ADGRV1: variants seen among roughly 807,000 people sequenced by gnomAD.
ADGRV1 encodes the protein G-protein coupled receptor 98.
A neutral mutation model predicts 596.2 loss-of-function variants in ADGRV1; 359 were observed. The observed-to-expected ratio is 0.60, with a 90% CI of 0.55 to 0.66. The LOEUF (loss-of-function observed/expected upper bound fraction) is 0.66, where lower values mean the gene tolerates loss of function less well. Ranked by LOEUF, ADGRV1 falls within the 30% of genes least tolerant of loss-of-function variation. The pLI is 0.00. For missense variants in ADGRV1, 7,274 were observed against 7,575.6 expected, an observed-to-expected ratio of 0.96 and a Z score of 1.48; for synonymous variants, 2,681 against 2,679.2, an observed-to-expected ratio of 1.00 and a Z score of -0.02.
intron 82 of ADGRV1, among the ~76,000 whole-genome samples, chr5:90,860,510 A>AT (rs1193918261): frequency 6.6e-6 from 1 of 152,082 alleles, no homozygotes; most frequent in African/African-American, 2.4e-5. Context: ...CCTTTAGCTT[A>AT]TTAGTAGCAG....
At chr5:90,995,877 C>G (rs1781373291) in intron 85 of ADGRV1, among the ~76,000 whole-genome samples, 1 of 152,106 alleles carries the variant, frequency 6.6e-6, no homozygotes, top group Non-Finnish European at 1.5e-5. Flanking sequence ...CTCTAGGGCT[C>G]TCTGGAACTT....
chr5:91,106,832 G>C (rs371088081), intron 87 of ADGRV1, among the ~76,000 whole-genome samples: 2 of 152,136 alleles, frequency 1.3e-5, no homozygotes, highest in South Asian at 4.1e-4. Flanking sequence ...TTAGCAACTG[G>C]GTACAGAGAT....
chr5:90,792,364 A>T (rs1056784469), intron 70 of ADGRV1: 3 of 152,194 alleles, frequency 2.0e-5, no homozygotes, highest in African/African-American at 7.2e-5. Context: ...CCGGATAAGC[A>T]ACAAGCCTAT....
chr5:90,740,181 G>C (rs1272787862), intron 50 of ADGRV1, among the ~76,000 whole-genome samples: 2 of 152,098 alleles, frequency 1.3e-5, no homozygotes, highest in Non-Finnish European at 2.9e-5. Flanking sequence ...GGTCTGGGAA[G>C]GGTCAGAGGG....
chr5:90,939,023 T>A (rs889896472), intron 83 of ADGRV1, among the ~76,000 whole-genome samples: 1 of 152,188 alleles, frequency 6.6e-6, no homozygotes, highest in Non-Finnish European at 1.5e-5. Flanking sequence ...CTAATGTTAT[T>A]GTTATGGATT....
intron 85 of ADGRV1, among the ~76,000 whole-genome samples, chr5:90,998,404 A>G (rs1781584857): frequency 6.6e-6 from 1 of 152,138 alleles, no homozygotes; most frequent in Admixed American, 6.5e-5. Context: ...ACTGAAAAGT[A>G]AATAAAAAGT....
intron 87 of ADGRV1, among the ~76,000 whole-genome samples, chr5:91,134,278 C>T (rs1413631528): frequency 6.6e-6 from 1 of 151,998 alleles, no homozygotes; most frequent in Non-Finnish European, 1.5e-5. Flanking sequence ...GCCTCAACCT[C>T]CCACGCTCAA....
At chr5:90,679,021 A>G (rs1265979778) in intron 25 of ADGRV1, among the ~76,000 whole-genome samples, 1 of 152,158 alleles carries the variant, frequency 6.6e-6, no homozygotes, top group Non-Finnish European at 1.5e-5. Context: ...TGACTTGTCT[A>G]GGACTCTTTC....
chr5:90,672,513 A>C lies in ADGRV1; in HGVS notation c.4753-33A>C, dbSNP rs752243813. 16 of 1,558,540 alleles carry C rather than the reference A, an allele frequency of 1.0e-5. No homozygotes were observed. The East Asian group carries it at 3.4e-4, about 33-fold the overall frequency. Reference sequence around the variant, plus strand: ...AATTTTGTCACTGATTTGAATTGCTATGCACCTATTAATAATTTACATTCA... The same window carrying C: ...AATTTTGTCACTGATTTGAATTGCTCTGCACCTATTAATAATTTACATTCA... On this transcript the variant is annotated intron_variant, in intron 21 of 89. Coordinates refer to ENST00000405460, the MANE Select transcript of ADGRV1 (RefSeq NM_032119.4).
At position 90,628,675 on chromosome 5, in the gene ADGRV1, C is replaced by T. The variant is rs1438323109; in HGVS notation, c.1352C>T (p.Pro451Leu). ...DPSPVTADIR[P>L]SSGVLHFAQG... ...TCACCAGTAACAGCAGATATCAGAC[C>T]GAGCTCTGGAGTTCTCCATTTTGCA... The change falls in exon 8 of 90, where the codon CCG (proline) becomes CTG (leucine). Residue 451 changes from proline (P) to leucine (L), a missense_variant. By Grantham distance (98) the Pro-to-Leu change is moderately conservative. Transcript: ENST00000405460. 3.7e-6 allele frequency: 6 copies of T among 1,613,862 alleles called. No individual in the cohort carries two copies. Among genetic ancestry groups the T allele is most frequent in the Admixed American group, 3.3e-5 (2 of 59,988 alleles).
chr5:90,786,349 T>C (rs1033824488), intron 67 of ADGRV1, among the ~76,000 whole-genome samples: 3 of 152,200 alleles, frequency 2.0e-5, no homozygotes, highest in Non-Finnish European at 4.4e-5. Context: ...TGTATACCTA[T>C]GTGTCAAACC....
At chr5:90,857,432 C>T (rs536372012) in intron 82 of ADGRV1, among the ~76,000 whole-genome samples, 12 of 151,902 alleles carry the variant, frequency 7.9e-5, no homozygotes, top group African/African-American at 2.7e-4. Context: ...AGAATGTTAT[C>T]CTGATTTTAT....
chr5:91,062,953 C>CTTTT (rs70973726), intron 85 of ADGRV1, among the ~76,000 whole-genome samples: 21 of 80,842 alleles, frequency 2.6e-4, no homozygotes, highest in East Asian at 7.0e-4. Flanking sequence ...GTTTCTCAAA[C>CTTTT]TTTTTTTTTT....
Position 90,779,043 on chromosome 5 carries a change from C to T in ADGRV1, c.13028C>T (p.Pro4343Leu), listed in dbSNP as rs769114079. ...GTTGAAATCCTTGATGATGACTATCCTGAAGGCCCAGAGGAATTTTCTCTA... is the reference window on the plus strand; with the variant it reads ...GTTGAAATCCTTGATGATGACTATCTTGAAGGCCCAGAGGAATTTTCTCTA... ...LHVEILDDDY[P>L]EGPEEFSLTI... Residue 4343 changes from proline to leucine, a missense_variant, in exon 64 of 90, where the codon CCT (proline) becomes CTT (leucine). Pro to Leu is a moderately conservative substitution (Grantham distance 98, BLOSUM62 -3). This residue lies in a region of ADGRV1 where 3,643 missense variants were observed against 3,809.2 expected (regional missense o/e 0.96). Transcript: ENST00000405460. 1 of 1,613,168 alleles carries T rather than the reference C, an allele frequency of 6.2e-7. No individual in the cohort carries two copies. Among genetic ancestry groups the T allele is most frequent in the South Asian group, 1.1e-5 (1 of 91,060 alleles).
chr5:90,733,553 G>A (rs1158287011), intron 50 of ADGRV1, among the ~76,000 whole-genome samples: 1 of 152,130 alleles, frequency 6.6e-6, no homozygotes, highest in African/African-American at 2.4e-5. Flanking sequence ...CCCAACTACT[G>A]CTTTCTTTAT....
chr5:90,935,908 T>C lies in ADGRV1; in HGVS notation c.17857-29507T>C, dbSNP rs1775645142. On this transcript the variant is annotated intron_variant, in intron 83 of 89. Transcript: ENST00000405460. ...CAGGAGGATTACCTGAGCCTGGGAGTTGAAGGCTGTAGTGTGTTGTGATGG... is the reference window on the plus strand; with the variant it reads ...CAGGAGGATTACCTGAGCCTGGGAGCTGAAGGCTGTAGTGTGTTGTGATGG... 3.3e-5 allele frequency among the ~76,000 whole-genome samples: 5 copies of C among 152,182 alleles called. No homozygotes were observed. The South Asian group carries it at 1.0e-3, about 32-fold the overall frequency.
intron 83 of ADGRV1, among the ~76,000 whole-genome samples, chr5:90,904,259 T>C (rs1027973257): frequency 1.3e-5 from 2 of 152,146 alleles, no homozygotes; most frequent in African/African-American, 4.8e-5. Context: ...CTGATTTCCT[T>C]TCTTTTGGGT....
At chr5:91,089,074 A>AGGAGTTC (rs1790155619) in intron 86 of ADGRV1, among the ~76,000 whole-genome samples, 2 of 152,084 alleles carry the variant, frequency 1.3e-5, no homozygotes, top group Admixed American at 1.3e-4. Context: ...TTATGCATTA[A>AGGAGTTC]AATCCCTGCC....
In ADGRV1 at chr5:91,102,204, T is replaced by C. The variant is rs1450663864; in HGVS notation, c.18311-15T>C. On this transcript the variant is annotated splice_polypyrimidine_tract_variant and intron_variant, in intron 86 of 89. Transcript: ENST00000405460. Reference sequence around the variant, plus strand: ...GTATTCTGAAGCTCAAAAATTCTTTTTTTTTTATTTCTAGAAATTCCACTG... The same window carrying C: ...GTATTCTGAAGCTCAAAAATTCTTTCTTTTTTATTTCTAGAAATTCCACTG... 6.3e-7 allele frequency: 1 copy of C among 1,598,114 alleles called. No individual in the cohort carries two copies. The highest frequency in any genetic ancestry group is 1.7e-5 in the Admixed American group (1 of 57,494).
Sources: gnomAD v4.1 joint callset for allele counts (sites outside exome capture counted in the v4.1 genomes callset) on GRCh38, gnomAD v4.1.1 for gene constraint, gnomAD v4.1.1 regional missense constraint, MANE v1.5 for transcripts, NCBI Gene and HGNC (gene_info 2026-07-23, HGNC 2026-07-21) for gene names.